USP3: variants seen among roughly 807,000 people sequenced by gnomAD.
USP3 encodes the protein ubiquitin specific peptidase 3, also known as ubiquitin carboxyl-terminal hydrolase 3.
Under a neutral mutation model 72.3 loss-of-function variants are expected in USP3, and 20 were observed. The observed-to-expected ratio is 0.28, with a 90% CI of 0.19 to 0.40. The LOEUF is 0.40. Among genes scored for constraint, USP3 ranks in the 10% least tolerant of loss-of-function variants. The pLI is 1.00. For missense variants in USP3, 479 were observed against 633.9 expected, an observed-to-expected ratio of 0.76 and a Z score of 2.62; for synonymous variants, 222 against 225.3, an observed-to-expected ratio of 0.99 and a Z score of 0.13.
In USP3 at chr15:63,574,314, C is replaced by G. The variant is rs1209966344; in HGVS notation, c.1016-9C>G. The G allele has an allele frequency of 1.3e-6, 2 of 1,577,122 alleles. No individual in the cohort carries two copies. Among genetic ancestry groups the G allele is most frequent in the East Asian group, 2.3e-5 (1 of 43,496 alleles). On this transcript the variant is annotated splice_polypyrimidine_tract_variant and intron_variant, in intron 10 of 14. Coordinates refer to ENST00000380324, the MANE Select transcript of USP3 (RefSeq NM_006537.4). This position sits in a 1 kb window ranked among gnomAD's most constrained non-coding sequence, Gnocchi z 4.6. The stretch of plus-strand genomic sequence containing the variant: ...AACAGCTCTCTGTTTACCTCTCTCT[C>G]CTTTTAAGACCTTTCATTAGATATT...
At chr15:63,573,659 A>C (rs2066815745) in intron 9 of USP3, among the ~76,000 whole-genome samples, 1 of 152,216 alleles carries the variant, frequency 6.6e-6, no homozygotes, top group Non-Finnish European at 1.5e-5. Context: ...GTAATGTAAG[A>C]GGCCTTGCAA....
intron 1 of USP3, among the ~76,000 whole-genome samples, chr15:63,521,842 ATC>A (rs2065924861): frequency 6.6e-6 from 1 of 152,200 alleles, no homozygotes; most frequent in Non-Finnish European, 1.5e-5. Flanking sequence ...GGATTTCAGC[ATC>A]TGTTTTCTCT....
In USP3 at chr15:63,588,313, C is replaced by T. The variant is rs764233437; in HGVS notation, c.1105C>T (p.Arg369Cys). 2.4e-5 allele frequency: 39 copies of T among 1,593,172 alleles called. No homozygotes were observed. The highest frequency in any genetic ancestry group is 3.5e-5 in the South Asian group (3 of 86,742). ...GPVCSLRDCL[R>C]SFTDLEELDE... The stretch of plus-strand genomic sequence containing the variant: ...AAAATCAATTTGTTTAGATTGTCTT[C>T]GCAGTTTTACCGACTTAGAAGAACT... Residue 369 changes from arginine (R) to cysteine (C), a missense_variant, in exon 12 of 15, where the codon CGC becomes TGC. Transcript: ENST00000380324. This position sits in a 1 kb window ranked among gnomAD's most constrained non-coding sequence, Gnocchi z 4.6.
chr15:63,506,868 T>G (rs1226519616), intron 1 of USP3, among the ~76,000 whole-genome samples: 1 of 152,176 alleles, frequency 6.6e-6, no homozygotes, highest in Non-Finnish European at 1.5e-5. Flanking sequence ...TTTCGCAACT[T>G]TGTGTGAGTC....
chr15:63,509,886 A>C (rs2065760389), intron 1 of USP3, among the ~76,000 whole-genome samples: 1 of 152,186 alleles, frequency 6.6e-6, no homozygotes, highest in Admixed American at 6.5e-5. Flanking sequence ...AGAAGTTTTG[A>C]CACATTGATG....
intron 1 of USP3, among the ~76,000 whole-genome samples, chr15:63,532,130 T>C (rs1285856445): frequency 2.6e-5 from 4 of 152,328 alleles, no homozygotes; most frequent in African/African-American, 9.6e-5. Flanking sequence ...GCAAGAATTA[T>C]GTGCAGTTGT....
intron 1 of USP3, among the ~76,000 whole-genome samples, chr15:63,525,253 T>C (rs9744846): frequency 0.74 from 112,753 of 152,090 alleles, 43,366 homozygotes; most frequent in Non-Finnish European, 0.81. Flanking sequence ...GAGTCCCAGG[T>C]GGCCACTTCT....
chr15:63,562,970 C>T lies in USP3; in HGVS notation c.723C>T (p.Ser241=). 6.2e-7 allele frequency: 1 copy of T among 1,611,774 alleles called. No individual in the cohort carries two copies. The highest frequency in any genetic ancestry group is 8.5e-7 in the Non-Finnish European group (1 of 1,179,074). The change falls in exon 8 of 15, where the codon TCC becomes TCT. Residue 241 remains serine (S), a synonymous_variant. Coordinates refer to ENST00000380324, the MANE Select transcript of USP3 (RefSeq NM_006537.4). ...QGSQTAFSPE[S]LFYVVWKIMP... ...GCCAGACTGCATTTAGCCCAGAGTC[C>T]TTATTTTATGTTGTTTGGAAGATTA...
intron 3 of USP3, among the ~76,000 whole-genome samples, chr15:63,548,802 T>C (rs1242047112): frequency 2.6e-5 from 4 of 152,148 alleles, no homozygotes; most frequent in Admixed American, 1.3e-4. Flanking sequence ...CAGGCAATTC[T>C]CATGCCTCAA....
At chr15:63,540,691 C>A (rs575796276) in intron 3 of USP3, among the ~76,000 whole-genome samples, 15 of 152,220 alleles carry the variant, frequency 9.9e-5, no homozygotes, top group African/African-American at 3.6e-4. Context: ...AGGAAGCATG[C>A]ATTAACCAGG....
At position 63,529,027 on chromosome 15, in the gene USP3, A is replaced by T. The variant is rs1238080024; in HGVS notation, c.92-3620A>T. The T allele has an allele frequency of 7.8e-7, 1 of 1,288,896 alleles. No homozygotes were observed. Among genetic ancestry groups the T allele is most frequent in the Non-Finnish European group, 1.0e-6 (1 of 988,642 alleles). 79.8% of individuals were successfully genotyped at this position (1,288,896 alleles called of 1,614,324 possible). A position where few individuals can be genotyped will look rare whatever the true frequency, so the allele number is the denominator to read the frequency against. Reference sequence around the variant, plus strand: ...GTATCTTTCTAGCCTTCAAATGTTTATCTGGTGTGACTGTATTATGCCCTC... The same window carrying T: ...GTATCTTTCTAGCCTTCAAATGTTTTTCTGGTGTGACTGTATTATGCCCTC... On this transcript the variant is annotated intron_variant, in intron 1 of 14. Transcript: ENST00000380324. The surrounding 1 kb of genome is among the most constrained non-coding windows in gnomAD (Gnocchi z 4.2).
chr15:63,575,919 GTAA>G (rs1414118591), intron 11 of USP3, among the ~76,000 whole-genome samples: 1 of 151,146 alleles, frequency 6.6e-6, no homozygotes, highest in Non-Finnish European at 1.5e-5. Context: ...AATAAGAACA[GTAA>G]TAATCACATT....
chr15:63,507,274 C>T (rs116096261), intron 1 of USP3, among the ~76,000 whole-genome samples: 485 of 152,188 alleles, frequency 3.2e-3, no homozygotes, highest in African/African-American at 0.011. Flanking sequence ...AATTATACCA[C>T]GGTAAGACAG....
intron 7 of USP3, among the ~76,000 whole-genome samples, chr15:63,561,439 G>A (rs1349772683): frequency 1.3e-5 from 2 of 152,200 alleles, no homozygotes; most frequent in Non-Finnish European, 1.5e-5. Flanking sequence ...GAACTGTCCT[G>A]TAAGGCCACC....
intron 1 of USP3, among the ~76,000 whole-genome samples, chr15:63,506,938 T>G (rs1253867490): frequency 6.6e-6 from 1 of 152,164 alleles, no homozygotes; most frequent in African/African-American, 2.4e-5. Context: ...TGGCATCCAT[T>G]TGTTGATATA....
In USP3 at chr15:63,528,821, G is replaced by A. The variant is rs924215712; in HGVS notation, c.92-3826G>A. On this transcript the variant is annotated intron_variant, in intron 1 of 14. Coordinates refer to ENST00000380324, the MANE Select transcript of USP3 (RefSeq NM_006537.4). This position sits in a 1 kb window ranked among gnomAD's most constrained non-coding sequence, Gnocchi z 4.3. ...TATTCTTTTATTTGTACAATTACCT[G>A]TTCTCTTCTTAACAATAATTGAGAG... Among the ~76,000 whole-genome samples the A allele has an allele frequency of 6.6e-6, 1 of 152,096 alleles. No individual in the cohort carries two copies. The highest frequency in any genetic ancestry group is 1.5e-5 in the Non-Finnish European group (1 of 68,006).
intron 3 of USP3, among the ~76,000 whole-genome samples, chr15:63,547,228 A>G (rs2066342605): frequency 6.6e-6 from 1 of 152,196 alleles, no homozygotes; most frequent in Non-Finnish European, 1.5e-5. Context: ...CTTAAAGAAT[A>G]GCGGTAACAA....
Position 63,544,016 on chromosome 15 carries a change from C to T in USP3, c.284+6860C>T, listed in dbSNP as rs2066283448. On this transcript the variant is annotated intron_variant, in intron 3 of 14. Coordinates refer to ENST00000380324, the MANE Select transcript of USP3 (RefSeq NM_006537.4). This position sits in a 1 kb window ranked among gnomAD's most constrained non-coding sequence, Gnocchi z 4.2. ...CTTGAGCCCAGGAGTTCGAGACCAG[C>T]CTGGGCAACACAGGGAGACACTGTC... is the stretch of plus-strand genomic sequence containing the variant. Among the ~76,000 whole-genome samples the T allele has an allele frequency of 6.7e-6, 1 of 149,510 alleles. No homozygotes were observed. Among genetic ancestry groups the T allele is most frequent in the African/African-American group, 2.5e-5 (1 of 40,470 alleles).
intron 1 of USP3, among the ~76,000 whole-genome samples, chr15:63,519,431 G>T (rs2065890218): frequency 6.6e-6 from 1 of 151,554 alleles, no homozygotes; most frequent in African/African-American, 2.4e-5. Flanking sequence ...GTTTTCAGAG[G>T]TTTCTTCATG....
Sources: gnomAD v4.1 joint callset for allele counts (sites outside exome capture counted in the v4.1 genomes callset) on GRCh38, gnomAD v4.1.1 for gene constraint, Gnocchi (gnomAD v3.1) non-coding constraint, MANE v1.5 for transcripts, NCBI Gene and HGNC (gene_info 2026-07-23, HGNC 2026-07-21) for gene names.